PACRG: variants seen among roughly 807,000 people sequenced by gnomAD.
The protein encoded by PACRG is parkin coregulated gene protein.
Under a neutral mutation model 29.7 loss-of-function variants are expected in PACRG, and 29 were observed. That is an observed-to-expected ratio of 0.98 (90% CI 0.73 to 1.33). The LOEUF is 1.33. Among genes scored for constraint, PACRG ranks in the 40% most tolerant of loss-of-function variants. The pLI, the probability that PACRG is intolerant of heterozygous loss-of-function variation, is 0.00. For missense variants in PACRG, 279 were observed against 316.2 expected (o/e 0.88, Z 0.89); for synonymous variants, 116 against 118.7 (o/e 0.98, Z 0.15).
chr6:162,974,831 G>A (rs956901007), intron 2 of PACRG, among the ~76,000 whole-genome samples: 5 of 152,152 alleles, frequency 3.3e-5, no homozygotes, highest in East Asian at 1.9e-4. Context: ...CTTATAACTC[G>A]TTAGTGATGA....
At chr6:162,879,369 A>T (rs1050672193) in intron 2 of PACRG, among the ~76,000 whole-genome samples, 19 of 152,298 alleles carry the variant, frequency 1.2e-4, no homozygotes, top group Middle Eastern at 3.4e-3. Context: ...TTAAAAGTTA[A>T]TTATCTATTG....
In PACRG at chr6:162,927,164, G is replaced by A. The variant is rs193197244; in HGVS notation, c.291+112883G>A. Among the ~76,000 whole-genome samples the A allele has an allele frequency of 3.8e-4, 58 of 152,156 alleles. No homozygotes were observed. In the Middle Eastern group the frequency reaches 0.01, roughly 27 times the overall value. On this transcript the variant is annotated intron_variant, in intron 2 of 4. Coordinates refer to ENST00000366888, the MANE Select transcript of PACRG (RefSeq NM_001080379.2). ...AAGTCAGGAAACAACAGATGCTGGC[G>A]AGGCTGTGGAGAAATAGAAACACTT...
intron 4 of PACRG, among the ~76,000 whole-genome samples, chr6:163,143,493 C>A (rs1391276404): frequency 6.6e-6 from 1 of 152,200 alleles, no homozygotes; most frequent in African/African-American, 2.4e-5. Flanking sequence ...CGGCTTGTTG[C>A]TTTAGCGCAG....
chr6:163,093,678 C>G (rs1206632881), intron 4 of PACRG, among the ~76,000 whole-genome samples: 1 of 152,132 alleles, frequency 6.6e-6, no homozygotes, highest in African/African-American at 2.4e-5. Flanking sequence ...ATTTCAGACT[C>G]CAGATATCAG....
intron 1 of PACRG, among the ~76,000 whole-genome samples, chr6:162,811,625 G>A (rs879400092): frequency 3.9e-5 from 6 of 152,128 alleles, no homozygotes; most frequent in Non-Finnish European, 7.4e-5. Flanking sequence ...GAGGGGGAAA[G>A]GTCATCAACT....
chr6:162,934,269 A>AT (rs752235628), intron 2 of PACRG, among the ~76,000 whole-genome samples: 17 of 151,682 alleles, frequency 1.1e-4, no homozygotes, highest in Non-Finnish European at 2.2e-4. Context: ...TCAAAAAAAA[A>AT]AAATAAATAA....
chr6:162,990,156 G>A (rs2128184024), intron 2 of PACRG, among the ~76,000 whole-genome samples: 1 of 151,642 alleles, frequency 6.6e-6, no homozygotes, highest in East Asian at 2.0e-4. Context: ...CATTTGGGTT[G>A]GTTCCAAGTC....
chr6:163,277,772 T>C (rs1784097598), intron 4 of PACRG, among the ~76,000 whole-genome samples: 1 of 151,830 alleles, frequency 6.6e-6, no homozygotes, highest in Non-Finnish European at 1.5e-5. Context: ...GTTTTTGCAA[T>C]TGTAAATTGT....
chr6:162,958,884 TAGAGAGAGAGAGAGAGAG>T (rs200270873), intron 2 of PACRG, among the ~76,000 whole-genome samples: 37 of 21,126 alleles, frequency 1.8e-3, no homozygotes, highest in African/African-American at 3.8e-3. Flanking sequence ...TATATATATA[TAGAGAGAGAGAGAGAGAG>T]AGAGAGAGAG....
rs1562349142 is a variant in PACRG, at chr6:163,269,785, A to ACAGACAGACAGGAAGG, written c.614-45042_614-45041insCAGACAGACAGGAAGG. Among the ~76,000 whole-genome samples the ACAGACAGACAGGAAGG allele has an allele frequency of 8.5e-5, 8 of 93,906 alleles. No homozygotes were observed. In the East Asian group the frequency reaches 1.6e-3, roughly 19 times the overall value. 61.6% of individuals were successfully genotyped at this position (93,906 alleles called of 152,430 possible). A position where few individuals can be genotyped will look rare whatever the true frequency, so the allele number is the denominator to read the frequency against. On this transcript the variant is annotated intron_variant, in intron 4 of 4. Coordinates refer to ENST00000366888, the MANE Select transcript of PACRG (RefSeq NM_001080379.2). Reference sequence around the variant, plus strand: ...GAGAGACAGACAGACAGACAGACAGAAAGAAAGAAAGGAAGGAAGGAAGGA... The same window carrying ACAGACAGACAGGAAGG: ...GAGAGACAGACAGACAGACAGACAGACAGACAGACAGGAAGGAAGAAAGAAAGGAAGGAAGGAAGGA...
At chr6:162,954,847 C>T (rs1562774717) in intron 2 of PACRG, among the ~76,000 whole-genome samples, 1 of 152,138 alleles carries the variant, frequency 6.6e-6, no homozygotes, top group Non-Finnish European at 1.5e-5. Context: ...TTTTAGAGAT[C>T]AGTGTTGATT....
chr6:162,819,355 CTT>C (rs752466494), intron 2 of PACRG, among the ~76,000 whole-genome samples: 21 of 152,228 alleles, frequency 1.4e-4, no homozygotes, highest in South Asian at 2.1e-4. Context: ...TAAAAAATGA[CTT>C]ATTAATCAGG....
chr6:162,919,293 G>T (rs186996621), intron 2 of PACRG, among the ~76,000 whole-genome samples: 1 of 152,124 alleles, frequency 6.6e-6, no homozygotes, highest in Non-Finnish European at 1.5e-5. Context: ...GTGATTTATG[G>T]GAAGGAACTA....
chr6:163,283,669 C>T (rs528406090), intron 4 of PACRG, among the ~76,000 whole-genome samples: 17 of 151,700 alleles, frequency 1.1e-4, no homozygotes, highest in South Asian at 6.3e-4. Context: ...GGCGCGGTGG[C>T]GGGCGCCTGT....
intron 2 of PACRG, among the ~76,000 whole-genome samples, chr6:163,022,645 T>A (rs2128221591): frequency 6.6e-6 from 1 of 152,368 alleles, no homozygotes; most frequent in Non-Finnish European, 1.5e-5. Flanking sequence ...AGTCATCAGT[T>A]ATTACATGTA....
intron 2 of PACRG, among the ~76,000 whole-genome samples, chr6:162,968,893 A>G (rs1001124477): frequency 6.6e-6 from 1 of 151,938 alleles, no homozygotes; most frequent in African/African-American, 2.4e-5. Context: ...CTAAAAATAC[A>G]AAAATTAGCT....
At chr6:163,199,781 C>T (rs9458742) in intron 4 of PACRG, among the ~76,000 whole-genome samples, 56,447 of 152,012 alleles carry the variant, frequency 0.37, 11,119 homozygotes, top group African/African-American at 0.5. Flanking sequence ...GAGGCAACCA[C>T]AATTCAGTGT....
At chr6:163,191,746 C>T in intron 4 of PACRG, 1 of 456,424 alleles carries the variant, frequency 2.2e-6, no homozygotes, top group Non-Finnish European at 4.4e-6. Flanking sequence ...CACTCAGAGC[C>T]ATGACGTCCC....
intron 1 of PACRG, among the ~76,000 whole-genome samples, chr6:162,739,792 A>C (rs1308649526): frequency 6.7e-6 from 1 of 149,398 alleles, no homozygotes; most frequent in Non-Finnish European, 1.5e-5. Context: ...CAGTGAGCTG[A>C]GATAGTGCCA....
Sources: allele counts gnomAD v4.1 joint callset (sites outside exome capture counted in the v4.1 genomes callset), GRCh38; gene constraint gnomAD v4.1.1; transcripts MANE v1.5; gene names NCBI Gene and HGNC (gene_info 2026-07-23, HGNC 2026-07-21).